IL1RAPL1: variants seen among roughly 807,000 people sequenced by gnomAD.
IL1RAPL1 encodes interleukin-1 receptor accessory protein-like 1.
A neutral mutation model predicts 48.4 loss-of-function variants in IL1RAPL1; 3 were observed. The observed-to-expected ratio is 0.06, with a 90% CI of 0.03 to 0.16. The LOEUF (loss-of-function observed/expected upper bound fraction) is 0.16. Ranked by LOEUF, IL1RAPL1 falls within the 10% of genes least tolerant of loss-of-function variation. IL1RAPL1 has a pLI of 1.00. For missense variants in IL1RAPL1, 349 were observed against 530.6 expected, an observed-to-expected ratio of 0.66 and a Z score of 3.36; for synonymous variants, 185 against 187.7, an observed-to-expected ratio of 0.99 and a Z score of 0.12.
chrX:29,123,005 T>TTTTATTTA (rs201703450), intron 2 of IL1RAPL1, among the ~76,000 whole-genome samples: 7,674 of 101,635 alleles, frequency 0.076, 342 homozygotes, highest in South Asian at 0.16. Context: ...GAATAGCACG[T>TTTTATTTA]TTTATTTATT....
chrX:28,981,279 T>C (rs1925334481), intron 2 of IL1RAPL1, among the ~76,000 whole-genome samples: 1 of 108,618 alleles, frequency 9.2e-6, no homozygotes, highest in Non-Finnish European at 1.9e-5. Context: ...CTTATTAACA[T>C]TGATACTAAA....
intron 2 of IL1RAPL1, among the ~76,000 whole-genome samples, chrX:29,004,527 A>C (rs1489973533): frequency 8.9e-6 from 1 of 112,364 alleles, no homozygotes; most frequent in East Asian, 2.8e-4. Flanking sequence ...ACATTAGTAG[A>C]AAATAAGTTA....
intron 5 of IL1RAPL1, among the ~76,000 whole-genome samples, chrX:29,631,167 A>C (rs886943089): frequency 8.9e-6 from 1 of 112,023 alleles, no homozygotes; most frequent in Admixed American, 9.4e-5. Context: ...TGACTGTTAC[A>C]TTTGTTTCCA....
intron 2 of IL1RAPL1, among the ~76,000 whole-genome samples, chrX:28,975,627 T>C (rs746242316): frequency 2.7e-5 from 3 of 112,424 alleles, no homozygotes; most frequent in East Asian, 2.8e-4. Flanking sequence ...CTATGAAGTC[T>C]CTTCTCCTAA....
intron 5 of IL1RAPL1, among the ~76,000 whole-genome samples, chrX:29,502,083 A>G (rs566757327): frequency 1.8e-5 from 2 of 110,936 alleles, no homozygotes; most frequent in South Asian, 3.7e-4. Context: ...TATTCTTTGT[A>G]GCTATTATAA....
chrX:29,621,162 T>G (rs1352826856), intron 5 of IL1RAPL1, among the ~76,000 whole-genome samples: 1 of 111,969 alleles, frequency 8.9e-6, no homozygotes, highest in Non-Finnish European at 1.9e-5. Flanking sequence ...TGGTTACAAC[T>G]AATAAAGATT....
chrX:29,064,800 C>T (rs913501105), intron 2 of IL1RAPL1, among the ~76,000 whole-genome samples: 5 of 111,773 alleles, frequency 4.5e-5, no homozygotes, highest in Non-Finnish European at 9.4e-5. Flanking sequence ...CCAGGATGGT[C>T]TCAATCTCCT....
intron 1 of IL1RAPL1, among the ~76,000 whole-genome samples, chrX:28,692,727 A>G (rs186208872): frequency 8.9e-6 from 1 of 112,331 alleles, no homozygotes; most frequent in East Asian, 2.8e-4. Context: ...GATAAGAAAT[A>G]TAACGTACAA....
chrX:29,077,835 G>A (rs1569231935), intron 2 of IL1RAPL1, among the ~76,000 whole-genome samples: 1 of 110,893 alleles, frequency 9.0e-6, no homozygotes, highest in Non-Finnish European at 1.9e-5. Flanking sequence ...GAGAAACATT[G>A]GACATTTAGA....
rs139526442 is a variant in IL1RAPL1 at position 28,667,455 on chromosome X, G to C, written c.-25+79408G>C. ...CTTAAATTCTTGTCTACAGCTGCCT[G>C]CCTGATTTGGATCTTGTGCCCTAAT... On this transcript the variant is annotated intron_variant, in intron 1 of 10. Transcript: ENST00000378993. 7.1e-3 allele frequency among the ~76,000 whole-genome samples: 795 copies of C among 112,174 alleles called. 5 individuals carry two copies. The highest frequency in any genetic ancestry group is 0.025 in the African/African-American group (759 of 30,910).
At chrX:29,559,501 C>T (rs1922114995) in intron 5 of IL1RAPL1, among the ~76,000 whole-genome samples, 1 of 111,922 alleles carries the variant, frequency 8.9e-6, no homozygotes, top group Admixed American at 9.5e-5. Context: ...GATTCAGTCT[C>T]CTTACTTGTT....
intron 7 of IL1RAPL1, 50 bp from the exon 8 acceptor site, chrX:29,919,899 G>A: frequency 2.7e-6 from 3 of 1,099,871 alleles, no homozygotes; most frequent in South Asian, 1.8e-5. Context: ...TTTCTTGTTT[G>A]TGTATGTGTC....
chrX:29,674,695 T>G (rs187506640), intron 6 of IL1RAPL1, among the ~76,000 whole-genome samples: 2 of 112,003 alleles, frequency 1.8e-5, no homozygotes, highest in African/African-American at 6.5e-5. Flanking sequence ...ATAGTTATTT[T>G]TTTCTTCTCT....
chrX:29,524,716 C>T (rs962709709), intron 5 of IL1RAPL1, among the ~76,000 whole-genome samples: 7 of 112,134 alleles, frequency 6.2e-5, no homozygotes, highest in South Asian at 3.7e-4. Context: ...TTTTGTACCA[C>T]GTAAGTTCAT....
At chrX:29,707,936 G>A (rs1927243539) in intron 6 of IL1RAPL1, among the ~76,000 whole-genome samples, 1 of 103,793 alleles carries the variant, frequency 9.6e-6, no homozygotes, top group South Asian at 4.2e-4. Context: ...GAAACCTATT[G>A]AAATAATAAA....
intron 2 of IL1RAPL1, among the ~76,000 whole-genome samples, chrX:29,268,892 C>T (rs891236579): frequency 8.9e-6 from 1 of 111,836 alleles, no homozygotes; most frequent in African/African-American, 3.2e-5. Context: ...ATCATTCATC[C>T]TCTAAAATTT....
chrX:28,958,252 T>G (rs1008857528), intron 2 of IL1RAPL1, among the ~76,000 whole-genome samples: 11 of 111,577 alleles, frequency 9.9e-5, no homozygotes, highest in Non-Finnish European at 1.7e-4. Flanking sequence ...TTGTATCCTT[T>G]AAGCAACATA....
chrX:28,956,743 C>T (rs1175573060), intron 2 of IL1RAPL1, among the ~76,000 whole-genome samples: 3 of 108,431 alleles, frequency 2.8e-5, no homozygotes, highest in Non-Finnish European at 3.8e-5. Flanking sequence ...TGTGTCTCTG[C>T]CTGGCTTTGG....
chrX:29,828,763 G>T (rs1393630947), intron 6 of IL1RAPL1, among the ~76,000 whole-genome samples: 1 of 111,389 alleles, frequency 9.0e-6, no homozygotes, highest in Non-Finnish European at 1.9e-5. Context: ...AAAATTCTAT[G>T]CAGAATGTAC....
Sources: gnomAD v4.1 joint callset for allele counts (sites outside exome capture counted in the v4.1 genomes callset) on GRCh38, gnomAD v4.1.1 for gene constraint, MANE v1.5 for transcripts, NCBI Gene and HGNC (gene_info 2026-07-23, HGNC 2026-07-21) for gene names.